The following TANC1 variants were observed in gnomAD, a reference collection of about 807,000 sequenced individuals.
TANC1 encodes protein TANC1.
In TANC1, 77 loss-of-function variants were observed where a neutral mutation model predicts 149.7. The observed-to-expected ratio is 0.51, with a 90% CI of 0.43 to 0.62. TANC1 has a LOEUF of 0.62. Among genes scored for constraint, TANC1 ranks in the 20% least tolerant of loss-of-function variants. The probability of loss-of-function intolerance (pLI) is 0.00; values close to 1 mark genes in which losing one functional copy is unlikely to be tolerated. For synonymous variants in TANC1, 854 were observed against 925.0 expected, an observed-to-expected ratio of 0.92 and a Z score of 1.39; for missense variants, 1,985 against 2,321.8, an observed-to-expected ratio of 0.85 and a Z score of 2.98.
chr2:159,214,553 G>A (rs546936024), intron 19 of TANC1, among the ~76,000 whole-genome samples: 1 of 152,200 alleles, frequency 6.6e-6, no homozygotes, highest in East Asian at 1.9e-4. Context: ...ACCTTGGCTC[G>A]GCTTACCAGC....
Position 159,118,925 on chromosome 2 carries a change from A to G in TANC1, c.260-17269A>G, listed in dbSNP as rs184764799. Among the ~76,000 whole-genome samples the G allele has an allele frequency of 2.0e-5, 3 of 152,348 alleles. No homozygotes were observed. In the East Asian group the frequency reaches 5.8e-4, roughly 29 times the overall value. The stretch of plus-strand genomic sequence containing the variant: ...AGCTACCTCCTAACTTTGCCTTTGT[A>G]CATGACTGGGTACACAAACAGCAGA... On this transcript the variant is annotated intron_variant, in intron 4 of 26. Coordinates refer to ENST00000263635, the MANE Select transcript of TANC1 (RefSeq NM_033394.3).
intron 2 of TANC1, among the ~76,000 whole-genome samples, chr2:159,018,781 GT>G (rs1186299631): frequency 6.6e-6 from 1 of 152,112 alleles, no homozygotes; most frequent in Non-Finnish European, 1.5e-5. Context: ...TTCTTAAGTT[GT>G]ATCTGTATAG....
At chr2:159,185,946 G>T in intron 15 of TANC1, 47 bp downstream of exon 15, 1 of 1,460,950 alleles carries the variant, frequency 6.8e-7, no homozygotes, top group South Asian at 1.2e-5. Context: ...TTGTCATTTT[G>T]AGGTTTTGCT....
At chr2:159,224,511 C>T (rs1410631238) in intron 23 of TANC1, 147 bp downstream of exon 23, 4 of 869,182 alleles carry the variant, frequency 4.6e-6, no homozygotes, top group Non-Finnish European at 7.0e-6. Flanking sequence ...ACTTAATCAC[C>T]ATTATACACA....
chr2:159,060,651 A>G (rs2042170238), intron 2 of TANC1, among the ~76,000 whole-genome samples: 1 of 152,218 alleles, frequency 6.6e-6, no homozygotes, highest in Admixed American at 6.5e-5. Context: ...GGTGGGTGCG[A>G]AGCCTGTGTT....
intron 2 of TANC1, among the ~76,000 whole-genome samples, chr2:159,018,875 TAAAAG>T (rs1315247066): frequency 2.0e-5 from 3 of 152,290 alleles, no homozygotes; most frequent in Admixed American, 1.3e-4. Flanking sequence ...GGACAAAAAA[TAAAAG>T]AAAGAATAAA....
chr2:159,219,852 T>C lies in TANC1; in HGVS notation c.3663T>C (p.Tyr1221=). The change falls in exon 22 of 27, where the codon TAT becomes TAC. Residue 1221 remains tyrosine (Y), a synonymous_variant. Transcript: ENST00000263635. ...CACCCTTGGACCTGGCTGCCTTCTA[T>C]GGCGATGCCGAGACTGTGAGTACCA... The part of the protein sequence containing the change: ...GRTPLDLAAF[Y]GDAETVLYLV... 6.2e-7 allele frequency: 1 copy of C among 1,613,200 alleles called. No homozygotes were observed. The highest frequency in any genetic ancestry group is 8.5e-7 in the Non-Finnish European group (1 of 1,180,010).
At chr2:159,124,563 A>G (rs941778577) in intron 4 of TANC1, among the ~76,000 whole-genome samples, 3 of 152,066 alleles carry the variant, frequency 2.0e-5, no homozygotes, top group Non-Finnish European at 4.4e-5. Flanking sequence ...TGTGCAAACA[A>G]CAGAAGAGCC....
chr2:158,981,493 ATATATATATAT>A (rs1559096035), intron 1 of TANC1, among the ~76,000 whole-genome samples: 4,079 of 48,508 alleles, frequency 0.084, 323 homozygotes, highest in South Asian at 0.14. Flanking sequence ...TATAGCTTTT[ATATATATATAT>A]ATATATATAT....
chr2:159,085,560 G>A (rs1465204444), intron 3 of TANC1, among the ~76,000 whole-genome samples: 2 of 152,092 alleles, frequency 1.3e-5, no homozygotes, highest in African/African-American at 2.4e-5. Flanking sequence ...AAGAAAGGGG[G>A]GTTATTTTGT....
chr2:159,044,202 G>A (rs2040867592), intron 2 of TANC1, among the ~76,000 whole-genome samples: 1 of 152,212 alleles, frequency 6.6e-6, no homozygotes, highest in Non-Finnish European at 1.5e-5. Context: ...CACTTTGGGA[G>A]GTTGAGGTGG....
intron 1 of TANC1, among the ~76,000 whole-genome samples, chr2:158,981,933 G>T (rs1212097411): frequency 6.6e-6 from 1 of 151,964 alleles, no homozygotes; most frequent in Admixed American, 6.6e-5. Flanking sequence ...GACACCCTCG[G>T]GGTGATAATT....
rs767476734 is a variant in TANC1, at chr2:159,170,533, C to T, written c.1079C>T (p.Ala360Val). 22 of 1,590,924 alleles carry T rather than the reference C, an allele frequency of 1.4e-5. No individual in the cohort carries two copies. Among genetic ancestry groups the T allele is most frequent in the Non-Finnish European group, 1.8e-5 (21 of 1,165,916 alleles). Reference protein sequence around the residue: ...GRAQEVKARFAPYKPQDILLK... With the variant: ...GRAQEVKARFVPYKPQDILLK... The stretch of plus-strand genomic sequence containing the variant: ...TTTTCTTCTTTTGAAGCACGATTTG[C>T]TCCCTACAAGCCACAAGACATTTTG... Residue 360 changes from alanine to valine, a missense_variant, in exon 10 of 27, where the codon GCT (alanine) becomes GTT (valine). Ala to Val is a moderately conservative substitution (Grantham distance 64, BLOSUM62 0). Coordinates refer to ENST00000263635, the MANE Select transcript of TANC1 (RefSeq NM_033394.3).
At chr2:159,043,703 T>C (rs1386252229) in intron 2 of TANC1, among the ~76,000 whole-genome samples, 1 of 152,240 alleles carries the variant, frequency 6.6e-6, no homozygotes, top group Non-Finnish European at 1.5e-5. Context: ...CTTAGTATCT[T>C]TGTTTACAGT....
chr2:159,175,022 A>G lies in TANC1; in HGVS notation c.1573A>G (p.Ile525Val). The G allele has an allele frequency of 1.6e-5, 26 of 1,614,216 alleles. No homozygotes were observed. The highest frequency in any genetic ancestry group is 1.6e-4 in the Middle Eastern group (1 of 6,062). Residue 525 changes from isoleucine to valine, a missense_variant, in exon 12 of 27, where the codon ATC (isoleucine) becomes GTC (valine). By Grantham distance (29) the Ile-to-Val change is conservative. Around this residue, in one of 3 missense-constraint regions of TANC1, gnomAD observed 508 missense variants for 714.2 expected, o/e 0.71. Transcript: ENST00000263635. ...CCTGGTGCCCGAGTTTGTGCACAGC[A>G]TCGCAGCTTTGCTCTGCCGGTCCCA... ...TCLVPEFVHS[I>V]AALLCRSHQL...
At chr2:159,002,015 G>A (rs2036654049) in intron 2 of TANC1, among the ~76,000 whole-genome samples, 1 of 152,174 alleles carries the variant, frequency 6.6e-6, no homozygotes, top group South Asian at 2.1e-4. Context: ...GTCCAGACTG[G>A]GCATGTGCTG....
At chr2:159,205,658 C>T (rs180907463) in intron 19 of TANC1, among the ~76,000 whole-genome samples, 84 of 152,320 alleles carry the variant, frequency 5.5e-4, no homozygotes, top group African/African-American at 1.6e-3. Flanking sequence ...GCTACACCAT[C>T]GAAGTTTGTG....
At chr2:159,112,176 A>G (rs2047794201) in intron 4 of TANC1, among the ~76,000 whole-genome samples, 1 of 152,248 alleles carries the variant, frequency 6.6e-6, no homozygotes, top group Non-Finnish European at 1.5e-5. Context: ...TCATATGTAC[A>G]TTAAAATTTG....
At position 159,219,802 on chromosome 2, in the gene TANC1, G is replaced by A. The variant is rs1324856873; in HGVS notation, c.3613G>A (p.Asp1205Asn). The A allele has an allele frequency of 6.2e-7, 1 of 1,614,072 alleles. No homozygotes were observed. The highest frequency in any genetic ancestry group is 1.3e-5 in the African/African-American group (1 of 75,058). The change falls in exon 22 of 27, where the codon GAC (aspartate) becomes AAC (asparagine). Residue 1205 changes from aspartate (D) to asparagine (N), a missense_variant. Coordinates refer to ENST00000263635, the MANE Select transcript of TANC1 (RefSeq NM_033394.3). ...TCTGGTTGAAGAAGGAGCTGCAATA[G>A]ACCAGACAGACAAGAATGGCCGCAC... Reference protein sequence around the residue: ...QYLVEEGAAIDQTDKNGRTPL... With the variant: ...QYLVEEGAAINQTDKNGRTPL...
Sources: allele counts gnomAD v4.1 joint callset (sites outside exome capture counted in the v4.1 genomes callset), GRCh38; gene constraint gnomAD v4.1.1; regional missense constraint gnomAD v4.1.1; transcripts MANE v1.5; gene names NCBI Gene and HGNC (gene_info 2026-07-23, HGNC 2026-07-21).